CNST: variants seen among roughly 807,000 people sequenced by gnomAD.
The protein encoded by CNST is consortin.
Under a neutral mutation model 72.4 loss-of-function variants are expected in CNST, and 39 were observed. The observed-to-expected ratio is 0.54, with a 90% CI of 0.42 to 0.70. The LOEUF is 0.70. CNST is among the 30% of genes least tolerant of loss of function. The probability of loss-of-function intolerance (pLI) is 0.00; values close to 1 mark genes in which losing one functional copy is unlikely to be tolerated. For synonymous variants in CNST, 332 were observed against 320.1 expected, an observed-to-expected ratio of 1.04 and a Z score of -0.40; for missense variants, 871 against 868.5, an observed-to-expected ratio of 1.00 and a Z score of -0.04.
intron 6 of CNST, among the ~76,000 whole-genome samples, chr1:246,636,537 T>C (rs1477100094): frequency 6.6e-6 from 1 of 152,208 alleles, no homozygotes; most frequent in African/African-American, 2.4e-5. Context: ...CGTCTGCTTA[T>C]GGTTTTTGTG....
At chr1:246,606,995 C>T (rs1468750435) in intron 2 of CNST, 1 of 151,454 alleles carries the variant, frequency 6.6e-6, no homozygotes, top group East Asian at 2.0e-4. Flanking sequence ...TGTACAGTTC[C>T]AGGCCTTTTT....
intron 1 of CNST, among the ~76,000 whole-genome samples, chr1:246,586,081 G>C (rs1337914613): frequency 7.4e-6 from 1 of 135,870 alleles, no homozygotes; most frequent in East Asian, 2.1e-4. Context: ...CCATGTCTTG[G>C]GGGAGAGGGG....
intron 2 of CNST, among the ~76,000 whole-genome samples, chr1:246,600,132 A>G (rs1344901862): frequency 6.6e-6 from 1 of 152,218 alleles, no homozygotes; most frequent in Non-Finnish European, 1.5e-5. Flanking sequence ...GACGTCAGAG[A>G]TGGCAGGCGT....
chr1:246,639,423 C>A (rs570757521), intron 6 of CNST, among the ~76,000 whole-genome samples: 1 of 152,006 alleles, frequency 6.6e-6, no homozygotes, highest in East Asian at 1.9e-4. Context: ...GCTTAGTTTG[C>A]GGAGGTGGGA....
chr1:246,569,511 C>T (rs12031424), intron 1 of CNST, among the ~76,000 whole-genome samples: 15,056 of 152,134 alleles, frequency 0.099, 804 homozygotes, highest in East Asian at 0.16. Flanking sequence ...TGAAGTACTG[C>T]GGTATTTAAT....
intron 3 of CNST, among the ~76,000 whole-genome samples, chr1:246,630,718 T>C (rs1389190419): frequency 6.6e-6 from 1 of 152,050 alleles, no homozygotes; most frequent in Non-Finnish European, 1.5e-5. Context: ...CTAGAGACAA[T>C]CTGTGGAAAC....
chr1:246,575,684 G>C (rs1660358285), intron 1 of CNST, among the ~76,000 whole-genome samples: 2 of 152,058 alleles, frequency 1.3e-5, no homozygotes, highest in South Asian at 4.1e-4. Context: ...AATACTAAAA[G>C]CTATTGAATT....
intron 5 of CNST, 151 bp downstream of exon 5, chr1:246,634,161 C>CGTCAGCG (rs1258767575): frequency 1.6e-6 from 1 of 616,080 alleles, no homozygotes; most frequent in Non-Finnish European, 2.9e-6. Context: ...ATTTTTACCA[C>CGTCAGCG]AAGTCTATTA....
chr1:246,608,417 T>TTTTTAATAAAACTAG (rs1413031202), intron 2 of CNST, among the ~76,000 whole-genome samples: 15 of 152,238 alleles, frequency 9.9e-5, no homozygotes, highest in African/African-American at 3.4e-4. Flanking sequence ...ACAGTTTTAG[T>TTTTTAATAAAACTAG]TTTTAATAAA....
intron 3 of CNST, among the ~76,000 whole-genome samples, chr1:246,625,414 C>CTTTTTTTTTTTTTTT (rs61588900): frequency 1.8e-5 from 1 of 56,102 alleles, no homozygotes; most frequent in Non-Finnish European, 3.1e-5. Context: ...TTATTTCTTT[C>CTTTTTTTTTTTTTTT]TTTTTTTTTT....
intron 2 of CNST, among the ~76,000 whole-genome samples, chr1:246,593,744 G>C (rs201253523): frequency 6.6e-6 from 1 of 151,994 alleles, no homozygotes; most frequent in South Asian, 2.1e-4. Context: ...AATTCACCAG[G>C]CCTCTCAATC....
chr1:246,611,191 G>A (rs937501791), intron 2 of CNST, among the ~76,000 whole-genome samples: 3 of 152,190 alleles, frequency 2.0e-5, no homozygotes, highest in African/African-American at 7.2e-5. Flanking sequence ...GCTGGGGAAA[G>A]GGGTGAGGTA....
intron 2 of CNST, chr1:246,607,396 G>C (rs1662939585): frequency 6.6e-6 from 1 of 152,198 alleles, no homozygotes; most frequent in Non-Finnish European, 1.5e-5. Flanking sequence ...GGCTAGGGAG[G>C]GGATACGTCT....
At chr1:246,661,278 G>T (rs888684625) in intron 10 of CNST, among the ~76,000 whole-genome samples, 1 of 151,866 alleles carries the variant, frequency 6.6e-6, no homozygotes, top group African/African-American at 2.4e-5. Context: ...ACCAGGCCCT[G>T]GCTAGTTTTC....
intron 3 of CNST, among the ~76,000 whole-genome samples, chr1:246,624,563 C>T (rs1664300494): frequency 6.6e-6 from 1 of 152,312 alleles, no homozygotes; most frequent in South Asian, 2.1e-4. Context: ...AATACTGATG[C>T]CATTAGAAAG....
At chr1:246,592,580 T>C (rs1228147675) in intron 2 of CNST, among the ~76,000 whole-genome samples, 1 of 152,248 alleles carries the variant, frequency 6.6e-6, no homozygotes, top group East Asian at 1.9e-4. Flanking sequence ...CTCTCCCTCC[T>C]TTATAAATTA....
At chr1:246,663,288 T>C (rs1415746872) in intron 10 of CNST, among the ~76,000 whole-genome samples, 2 of 149,492 alleles carry the variant, frequency 1.3e-5, no homozygotes, top group Non-Finnish European at 3.0e-5. Context: ...GCCCAGGAGG[T>C]TGAGGCTGCA....
rs1200300854 is a variant in CNST, at chr1:246,631,930, C to T, written c.616+6C>T. 6.6e-7 allele frequency: 1 copy of T among 1,519,920 alleles called. No homozygotes were observed. The highest frequency in any genetic ancestry group is 2.3e-5 in the East Asian group (1 of 43,938). 94.2% of individuals were successfully genotyped at this position (1,519,920 alleles called of 1,614,324 possible). ...CTATTTCCAGGAGGAGGACTGTATCCTTTTCTTAATTACAGGAAGAAATTT... is the reference window on the plus strand; with the variant it reads ...CTATTTCCAGGAGGAGGACTGTATCTTTTTCTTAATTACAGGAAGAAATTT... On this transcript the variant is annotated splice_donor_region_variant and intron_variant, in intron 4 of 10. Coordinates refer to ENST00000366513, the MANE Select transcript of CNST (RefSeq NM_152609.3).
intron 2 of CNST, among the ~76,000 whole-genome samples, chr1:246,618,566 C>T (rs1663845987): frequency 6.8e-6 from 1 of 146,674 alleles, no homozygotes. Context: ...TCCCTACACT[C>T]AATGATTAAA....
Sources: allele counts gnomAD v4.1 joint callset (sites outside exome capture counted in the v4.1 genomes callset), GRCh38; gene constraint gnomAD v4.1.1; transcripts MANE v1.5; gene names NCBI Gene and HGNC (gene_info 2026-07-23, HGNC 2026-07-21).